Variants in FBXO10 observed in about 807,000 individuals in gnomAD.
FBXO10 encodes F-box protein 10.
A neutral mutation model predicts 80.7 loss-of-function variants in FBXO10; 39 were observed. The observed-to-expected ratio is 0.48, with a 90% CI of 0.37 to 0.63. FBXO10 has a LOEUF of 0.63. Among genes scored for constraint, FBXO10 ranks in the 30% least tolerant of loss-of-function variants. FBXO10 has a pLI of 0.00. For synonymous variants in FBXO10, 449 were observed against 489.6 expected (o/e 0.92, Z 1.09); for missense variants, 1,025 against 1,269.0 (o/e 0.81, Z 2.92).
chr9:37,541,705 C>T lies in FBXO10; in HGVS notation c.64G>A (p.Asp22Asn). ...CATACCAGGCTGCAGCGGCCCAGGT[C>T]GGGAAGGTGCAAGTAGGCTAAGATC... ...RMILAYLHLP[D>N]LGRCSLVCRA... The change falls in exon 2 of 11, where the codon GAC becomes AAC. Residue 22 changes from aspartate (D) to asparagine (N), a missense_variant. Around this residue, in one of 3 missense-constraint regions of FBXO10, gnomAD observed 450 missense variants for 499.4 expected, o/e 0.90. Transcript: ENST00000432825. The T allele has an allele frequency of 1.2e-6, 2 of 1,613,722 alleles. No homozygotes were observed. Among genetic ancestry groups the T allele is most frequent in the Admixed American group, 1.7e-5 (1 of 60,024 alleles).
chr9:37,548,316 C>A (rs780493399), intron 1 of FBXO10, among the ~76,000 whole-genome samples: 2 of 151,644 alleles, frequency 1.3e-5, no homozygotes, highest in African/African-American at 4.8e-5. Flanking sequence ...ACCCGGGAGG[C>A]GGAGGTTGCA....
intron 1 of FBXO10, among the ~76,000 whole-genome samples, chr9:37,565,073 G>A (rs878972625): frequency 6.6e-6 from 1 of 152,158 alleles, no homozygotes; most frequent in African/African-American, 2.4e-5. Flanking sequence ...CCCCCATGCT[G>A]TTCTCGTGAT....
rs1821903567 is a variant in FBXO10, at chr9:37,541,178, A to G, written c.585+6T>C. ...AGAAAGGCCGTCTATTGATGTGGAT[A>G]CCCACCTTATACATGATGGGTGAGA... On this transcript the variant is annotated splice_donor_region_variant and intron_variant, in intron 2 of 10. Transcript: ENST00000432825. 4 of 1,586,682 alleles carry G rather than the reference A, an allele frequency of 2.5e-6. No homozygotes were observed. Among genetic ancestry groups the G allele is most frequent in the East Asian group, 4.5e-5 (2 of 44,820 alleles).
chr9:37,537,434 T>G lies in FBXO10; in HGVS notation c.1095A>C (p.Glu365Asp). The G allele has an allele frequency of 6.2e-7, 1 of 1,601,634 alleles. No individual in the cohort carries two copies. The highest frequency in any genetic ancestry group is 8.5e-7 in the Non-Finnish European group (1 of 1,173,886). Residue 365 changes from glutamate (E) to aspartate (D), a missense_variant, in exon 3 of 11, where the codon GAA becomes GAC. Coordinates refer to ENST00000432825, the MANE Select transcript of FBXO10 (RefSeq NM_012166.3). Reference protein sequence around the residue: ...DGGLSPSGEDEDEDQLMYRLS... With the variant: ...DGGLSPSGEDDDEDQLMYRLS... ...GTCTGTACATCAGCTGGTCCTCATC[T>G]TCATCCTCACCGCTGGGACTCAGGC... is the stretch of plus-strand genomic sequence containing the variant.
chr9:37,511,129 C>T lies in FBXO10; in HGVS notation c.*1418G>A, dbSNP rs925345595. 6 of 152,478 alleles carry T rather than the reference C, an allele frequency of 3.9e-5. No individual in the cohort carries two copies. The highest frequency in any genetic ancestry group is 1.5e-4 in the African/African-American group (6 of 41,354). The allele number at this position is 152,478 out of a possible 1,614,324, so 9.4% of individuals were successfully genotyped here. A position where few individuals can be genotyped will look rare whatever the true frequency, so the allele number is the denominator to read the frequency against. ...GCTCCCTCTACCCCCTCCCATCCCACCCAACAGAGCAGCACCTAGGGCCAA... is the reference window on the plus strand; with the variant it reads ...GCTCCCTCTACCCCCTCCCATCCCATCCAACAGAGCAGCACCTAGGGCCAA... On this transcript the variant is annotated 3_prime_UTR_variant, in exon 11 of 11. Transcript: ENST00000432825.
intron 1 of FBXO10, among the ~76,000 whole-genome samples, chr9:37,551,368 C>T (rs1217518258): frequency 6.6e-6 from 1 of 152,206 alleles, no homozygotes; most frequent in Non-Finnish European, 1.5e-5. Context: ...GGGGGCAGCC[C>T]TGCTTCCAAG....
At chr9:37,575,644 C>G (rs1459221389) in intron 1 of FBXO10, 1 of 152,242 alleles carries the variant, frequency 6.6e-6, no homozygotes, top group Non-Finnish European at 1.5e-5. Context: ...ACTTTCCCCT[C>G]TGTTCTTCAC....
intron 1 of FBXO10, among the ~76,000 whole-genome samples, chr9:37,553,012 T>TGTGTGTGTG (rs1822241755): frequency 6.9e-6 from 1 of 144,374 alleles, no homozygotes; most frequent in Non-Finnish European, 1.5e-5. Context: ...CCAATTCAGG[T>TGTGTGTGTG]TGTGTGTGTG....
intron 1 of FBXO10, among the ~76,000 whole-genome samples, chr9:37,567,985 A>ATG: frequency 6.6e-6 from 1 of 152,172 alleles, no homozygotes; most frequent in South Asian, 2.1e-4. Flanking sequence ...AGAATCCCCC[A>ATG]TCCTCTTGCA....
chr9:37,522,323 A>T (rs554356805), intron 7 of FBXO10: 1 of 996,976 alleles, frequency 1.0e-6, no homozygotes, highest in African/African-American at 1.7e-5. Context: ...GTGATCATGC[A>T]TAGAAAGGGC....
rs1821814176 is a variant in FBXO10 at position 37,537,873 on chromosome 9, C to T, written c.656G>A (p.Gly219Asp). 7 of 1,613,942 alleles carry T rather than the reference C, an allele frequency of 4.3e-6. No individual in the cohort carries two copies. The highest frequency in any genetic ancestry group is 5.9e-6 in the Non-Finnish European group (7 of 1,179,886). Reference sequence around the variant, plus strand: ...GGTACAGAACTTCACTTGGCAAGTACCCGGGCCATGGACCTGGATGTGCCC... The same window carrying T: ...GGTACAGAACTTCACTTGGCAAGTATCCGGGCCATGGACCTGGATGTGCCC... ...ENGHIQVHGP[G>D]TCQVKFCTFK... Residue 219 changes from glycine to aspartate, a missense_variant, in exon 3 of 11, where the codon GGT becomes GAT. Gly to Asp is a moderately conservative substitution (Grantham distance 94, BLOSUM62 -1). Transcript: ENST00000432825.
Position 37,522,862 on chromosome 9 carries a change from G to A in FBXO10, c.1893C>T (p.Asp631=), listed in dbSNP as rs754995783. 28 of 1,554,226 alleles carry A rather than the reference G, an allele frequency of 1.8e-5. No individual in the cohort carries two copies. In the South Asian group the frequency reaches 2.6e-4, roughly 15 times the overall value. ...FGYSDGVVVG[D]EGKGLIEGNT... ...TTCCTTCTATGAGGCCTTTGCCTTCGTCTCCCACAACCACACCATCTGAAT... is the reference window on the plus strand; with the variant it reads ...TTCCTTCTATGAGGCCTTTGCCTTCATCTCCCACAACCACACCATCTGAAT... Residue 631 remains aspartate, a synonymous_variant, in exon 7 of 11, where the codon GAC becomes GAT. Transcript: ENST00000432825.
intron 5 of FBXO10, among the ~76,000 whole-genome samples, chr9:37,527,406 G>C (rs545874755): frequency 6.6e-6 from 1 of 152,270 alleles, no homozygotes; most frequent in East Asian, 1.9e-4. Flanking sequence ...GCAACAACCT[G>C]CCTTTGCACT....
chr9:37,554,413 A>G (rs889519392), intron 1 of FBXO10, among the ~76,000 whole-genome samples: 1 of 152,148 alleles, frequency 6.6e-6, no homozygotes, highest in Non-Finnish European at 1.5e-5. Context: ...TAGTTTGTTT[A>G]TGATGCTGAG....
chr9:37,554,650 T>C (rs1822292907), intron 1 of FBXO10, among the ~76,000 whole-genome samples: 1 of 152,214 alleles, frequency 6.6e-6, no homozygotes, highest in Non-Finnish European at 1.5e-5. Flanking sequence ...TACAGATTAG[T>C]TTTGTCTGTT....
At chr9:37,528,472 C>T (rs1821529477) in intron 5 of FBXO10, among the ~76,000 whole-genome samples, 1 of 152,218 alleles carries the variant, frequency 6.6e-6, no homozygotes, top group Non-Finnish European at 1.5e-5. Context: ...TTACTAGGAA[C>T]ATCCACCGAC....
intron 8 of FBXO10, among the ~76,000 whole-genome samples, chr9:37,520,871 G>A (rs1265512013): frequency 1.3e-5 from 2 of 152,158 alleles, no homozygotes; most frequent in Non-Finnish European, 2.9e-5. Context: ...TGAGCTGGGT[G>A]GGCTTCAGTT....
chr9:37,532,492 C>A (rs1391157165), intron 3 of FBXO10, among the ~76,000 whole-genome samples: 1 of 151,724 alleles, frequency 6.6e-6, no homozygotes, highest in Non-Finnish European at 1.5e-5. Flanking sequence ...TGGATGTGGG[C>A]TGGAGTAATT....
intron 8 of FBXO10, among the ~76,000 whole-genome samples, chr9:37,519,985 G>A (rs1267140865): frequency 6.6e-6 from 1 of 152,060 alleles, no homozygotes; most frequent in Non-Finnish European, 1.5e-5. Context: ...ACCATGCCCA[G>A]CTAATCTGAA....
Sources: allele counts gnomAD v4.1 joint callset (sites outside exome capture counted in the v4.1 genomes callset), GRCh38; gene constraint gnomAD v4.1.1; regional missense constraint gnomAD v4.1.1; transcripts MANE v1.5; gene names NCBI Gene and HGNC (gene_info 2026-07-23, HGNC 2026-07-21).